Variants in ZSCAN22 observed in about 807,000 individuals in gnomAD.
The protein encoded by ZSCAN22 is zinc finger and SCAN domain-containing protein 22.
A neutral mutation model predicts 12.4 loss-of-function variants in ZSCAN22; 7 were observed. The observed-to-expected ratio is 0.57, with a 90% confidence interval of 0.32 to 1.06. ZSCAN22 has a LOEUF of 1.06. Among genes scored for constraint, ZSCAN22 ranks in the 50% least tolerant of loss-of-function variants. ZSCAN22 has a pLI of 0.04. For synonymous variants in ZSCAN22, 243 were observed against 255.9 expected (o/e 0.95, Z 0.48); for missense variants, 576 against 631.7 (o/e 0.91, Z 0.94).
intron 1 of ZSCAN22, among the ~76,000 whole-genome samples, chr19:58,330,985 A>C (rs1275613921): frequency 6.6e-6 from 1 of 152,208 alleles, no homozygotes; most frequent in Non-Finnish European, 1.5e-5. Context: ...GCAATGCTGT[A>C]GACACTGGGG....
intron 1 of ZSCAN22, among the ~76,000 whole-genome samples, chr19:58,333,147 T>A (rs1022452462): frequency 1.3e-5 from 2 of 152,236 alleles, no homozygotes. Flanking sequence ...ATTATTCATC[T>A]TTTTACTATG....
In ZSCAN22 at chr19:58,338,501, C is replaced by G. The variant is rs779182793; in HGVS notation, c.651C>G (p.Asp217Glu). Residue 217 changes from aspartate to glutamate, a missense_variant, in exon 3 of 3, where the codon GAC becomes GAG. Coordinates refer to ENST00000329665, the MANE Select transcript of ZSCAN22 (RefSeq NM_181846.3). This position sits in a 1 kb window ranked among gnomAD's most constrained non-coding sequence, Gnocchi z 5.4. Reference protein sequence around the residue: ...TSGPYKDVPTDQRGRESGASR... With the variant: ...TSGPYKDVPTEQRGRESGASR... ...GGCCTTACAAGGATGTCCCCACAGA[C>G]CAGCGTGGCCGTGAATCTGGTGCCT... is the stretch of plus-strand genomic sequence containing the variant. 2 of 1,614,182 alleles carry G rather than the reference C, an allele frequency of 1.2e-6. No homozygotes were observed. The highest frequency in any genetic ancestry group is 2.2e-5 in the East Asian group (1 of 44,880).
At position 58,338,662 on chromosome 19, in the gene ZSCAN22, G is replaced by A. The variant is rs570677592; in HGVS notation, c.812G>A (p.Arg271His). 2.8e-5 allele frequency: 46 copies of A among 1,614,224 alleles called. No homozygotes were observed. The highest frequency in any genetic ancestry group is 2.7e-4 in the South Asian group (25 of 91,074). ...TCAGGGAAGAGGTCCTCCAAGTGTC[G>A]CGAGTGTAGGAAGATGTTCCAGAGT... Reference protein sequence around the residue: ...TYSGKRSSKCRECRKMFQSAS... With the variant: ...TYSGKRSSKCHECRKMFQSAS... The change falls in exon 3 of 3, where the codon CGC becomes CAC. Residue 271 changes from arginine (R) to histidine (H), a missense_variant. Coordinates refer to ENST00000329665, the MANE Select transcript of ZSCAN22 (RefSeq NM_181846.3). This position sits in a 1 kb window ranked among gnomAD's most constrained non-coding sequence, Gnocchi z 5.4.
rs1288983310 is a variant in ZSCAN22, at chr19:58,340,464, CTTTT to C, written c.*1140_*1143del. On this transcript the variant is annotated 3_prime_UTR_variant, in exon 3 of 3. Coordinates refer to ENST00000329665, the MANE Select transcript of ZSCAN22 (RefSeq NM_181846.3). Reference sequence around the variant, plus strand: ...TGCCTGGAACCCTCCTCTTCTTTTTCTTTTTCTTTTCTTTTCTTTTTTTTTTTTT... The same window carrying C: ...TGCCTGGAACCCTCCTCTTCTTTTTCTCTTTTCTTTTCTTTTTTTTTTTTT... 6.4e-6 allele frequency: 1 copy of C among 155,602 alleles called. No homozygotes were observed. The highest frequency in any genetic ancestry group is 1.4e-5 in the Non-Finnish European group (1 of 72,762). The allele number at this position is 155,602 out of a possible 1,614,324, so 9.6% of individuals were successfully genotyped here.
chr19:58,331,835 G>A (rs1226605946), intron 1 of ZSCAN22, among the ~76,000 whole-genome samples: 1 of 151,656 alleles, frequency 6.6e-6, no homozygotes, highest in African/African-American at 2.4e-5. Flanking sequence ...ATGAGCCACC[G>A]TGCCTGGCCA....
intron 2 of ZSCAN22, among the ~76,000 whole-genome samples, chr19:58,337,759 G>A (rs1266054876): frequency 2.7e-5 from 1 of 36,412 alleles, no homozygotes; most frequent in Non-Finnish European, 5.2e-5. Flanking sequence ...AGGCCTAGAC[G>A]CAAGGTGTCG....
At chr19:58,333,800 G>A (rs1033839138) in intron 1 of ZSCAN22, among the ~76,000 whole-genome samples, 15 of 152,296 alleles carry the variant, frequency 9.8e-5, no homozygotes, top group South Asian at 8.3e-4. Flanking sequence ...CCGAGATAGC[G>A]TCACTGCCCT....
At position 58,341,311 on chromosome 19, in the gene ZSCAN22, G is replaced by A. The variant is rs2051872403; in HGVS notation, c.*1985G>A. The stretch of plus-strand genomic sequence containing the variant: ...CCAGCATTCTGTCCATGTGTTCTCT[G>A]GTCTTCTCTCACAATGCTGCATCCC... On this transcript the variant is annotated 3_prime_UTR_variant, in exon 3 of 3. Transcript: ENST00000329665. 6.6e-6 allele frequency: 1 copy of A among 152,142 alleles called. No homozygotes were observed. Among genetic ancestry groups the A allele is most frequent in the South Asian group, 2.1e-4 (1 of 4,824 alleles). The allele number at this position is 152,142 out of a possible 1,614,324, so 9.4% of individuals were successfully genotyped here.
chr19:58,340,595 C>T lies in ZSCAN22; in HGVS notation c.*1269C>T. On this transcript the variant is annotated 3_prime_UTR_variant, in exon 3 of 3. Transcript: ENST00000329665. The stretch of plus-strand genomic sequence containing the variant: ...GGTTCATGCCATTCTCCTGCCTCAG[C>T]CTCCCAAGTAGCTGGGACTACAGGC... The T allele has an allele frequency of 6.6e-6, 1 of 151,626 alleles. No individual in the cohort carries two copies. The highest frequency in any genetic ancestry group is 1.9e-4 in the East Asian group (1 of 5,170). 9.4% of individuals were successfully genotyped at this position (151,626 alleles called of 1,614,324 possible).
chr19:58,333,387 A>G (rs2051749579), intron 1 of ZSCAN22, among the ~76,000 whole-genome samples: 1 of 152,394 alleles, frequency 6.6e-6, no homozygotes, highest in South Asian at 2.1e-4. Flanking sequence ...AACCAAAATT[A>G]ACCATACACT....
At chr19:58,327,357 GTGTGGACAGACTCACGGACCGAA>G (rs2051664977) in intron 1 of ZSCAN22, among the ~76,000 whole-genome samples, 1 of 152,186 alleles carries the variant, frequency 6.6e-6, no homozygotes, top group African/African-American at 2.4e-5. Flanking sequence ...GACGGACCCG[GTGTGGACAGACTCACGGACCGAA>G]TGTGGTGCGG....
chr19:58,328,370 G>A (rs571870814), intron 1 of ZSCAN22, among the ~76,000 whole-genome samples: 3 of 152,324 alleles, frequency 2.0e-5, no homozygotes, highest in African/African-American at 7.2e-5. Flanking sequence ...AGCTGAAACT[G>A]AGTGACTAGT....
In ZSCAN22 at chr19:58,329,409, CTG is replaced by C. The variant is rs1287073397; in HGVS notation, c.-52+2298_-52+2299del. On this transcript the variant is annotated intron_variant, in intron 1 of 2. Transcript: ENST00000329665. The surrounding 1 kb of genome is among the most constrained non-coding windows in gnomAD (Gnocchi z 4.1). ...GAAAAAGAACTCCAAATACTTAAAA[CTG>C]TGGGAGTCGTGGATGGGAGAGGGAG... Among the ~76,000 whole-genome samples the C allele has an allele frequency of 6.6e-6, 1 of 152,224 alleles. No individual in the cohort carries two copies. Among genetic ancestry groups the C allele is most frequent in the Non-Finnish European group, 1.5e-5 (1 of 68,042 alleles).
At position 58,340,356 on chromosome 19, in the gene ZSCAN22, C is replaced by G. The variant is rs1476763085; in HGVS notation, c.*1030C>G. 6.6e-6 allele frequency: 1 copy of G among 152,222 alleles called. No individual in the cohort carries two copies. Among genetic ancestry groups the G allele is most frequent in the Non-Finnish European group, 1.5e-5 (1 of 68,082 alleles). The allele number at this position is 152,222 out of a possible 1,614,324, so 9.4% of individuals were successfully genotyped here. A position where few individuals can be genotyped will look rare whatever the true frequency, so the allele number is the denominator to read the frequency against. On this transcript the variant is annotated 3_prime_UTR_variant, in exon 3 of 3. Coordinates refer to ENST00000329665, the MANE Select transcript of ZSCAN22 (RefSeq NM_181846.3). The stretch of plus-strand genomic sequence containing the variant: ...ATGGCCTCATCTCATACCATGGCTC[C>G]ACCTTCCATACACCAGCCACACGGA...
chr19:58,339,328 C>T lies in ZSCAN22; in HGVS notation c.*2C>T, dbSNP rs148701172. 26 of 1,587,622 alleles carry T rather than the reference C, an allele frequency of 1.6e-5. No individual in the cohort carries two copies. The highest frequency in any genetic ancestry group is 1.7e-4 in the Middle Eastern group (1 of 5,950). On this transcript the variant is annotated 3_prime_UTR_variant, in exon 3 of 3. Transcript: ENST00000329665. The surrounding 1 kb of genome is among the most constrained non-coding windows in gnomAD (Gnocchi z 5.6). ...ATCCACATCACGGTGCTGCAATGAC[C>T]GGAAGTCGCCCCTGGGGGCGTAGCA...
chr19:58,337,019 C>T (rs2051805638), intron 2 of ZSCAN22, among the ~76,000 whole-genome samples: 1 of 152,232 alleles, frequency 6.6e-6, no homozygotes, highest in Non-Finnish European at 1.5e-5. Context: ...ATTATGTGTC[C>T]TTTGCACCCA....
intron 2 of ZSCAN22, among the ~76,000 whole-genome samples, chr19:58,336,185 C>T (rs565585804): frequency 3.9e-5 from 6 of 152,328 alleles, no homozygotes; most frequent in South Asian, 2.1e-4. Flanking sequence ...GTAATAAAAA[C>T]GCCCACCTTA....
At position 58,335,494 on chromosome 19, in the gene ZSCAN22, C is replaced by G. The variant is rs2051786281; in HGVS notation, c.403+289C>G. Among the ~76,000 whole-genome samples, 1 of 152,152 alleles carries G rather than the reference C, an allele frequency of 6.6e-6. No individual in the cohort carries two copies. The highest frequency in any genetic ancestry group is 2.1e-4 in the South Asian group (1 of 4,826). ...CTTCTTCCTCTCTTGTTCTGTTTCTCAGTTGGTTTTTTCTGTGTTAGCTTC... is the reference window on the plus strand; with the variant it reads ...CTTCTTCCTCTCTTGTTCTGTTTCTGAGTTGGTTTTTTCTGTGTTAGCTTC... On this transcript the variant is annotated intron_variant, in intron 2 of 2. Transcript: ENST00000329665. This position sits in a 1 kb window ranked among gnomAD's most constrained non-coding sequence, Gnocchi z 4.1.
At chr19:58,334,371 C>T (rs2051764336) in intron 1 of ZSCAN22, among the ~76,000 whole-genome samples, 1 of 152,168 alleles carries the variant, frequency 6.6e-6, no homozygotes, top group Admixed American at 6.5e-5. Flanking sequence ...GGCTGGAGTG[C>T]AGTGGCGTAG....
Sources: allele counts gnomAD v4.1 joint callset (sites outside exome capture counted in the v4.1 genomes callset), GRCh38; gene constraint gnomAD v4.1.1; non-coding constraint Gnocchi (gnomAD v3.1); transcripts MANE v1.5; gene names NCBI Gene and HGNC (gene_info 2026-07-23, HGNC 2026-07-21).